C1QTNF3: variants seen among roughly 807,000 people sequenced by gnomAD.
The protein encoded by C1QTNF3 is complement C1q tumor necrosis factor-related protein 3.
In C1QTNF3, 26 loss-of-function variants were observed where a neutral mutation model predicts 32.6. That is an observed-to-expected ratio of 0.80 (90% CI 0.58 to 1.11). The LOEUF (loss-of-function observed/expected upper bound fraction) is 1.11, where lower values mean the gene tolerates loss of function less well. Ranked by LOEUF, C1QTNF3 falls within the 50% of genes least tolerant of loss-of-function variation. The probability of loss-of-function intolerance (pLI) is 0.00; values close to 1 mark genes in which losing one functional copy is unlikely to be tolerated. For synonymous variants in C1QTNF3, 155 were observed against 146.0 expected, an observed-to-expected ratio of 1.06 and a Z score of -0.44; for missense variants, 362 against 398.2, an observed-to-expected ratio of 0.91 and a Z score of 0.77.
At chr5:34,230,884 A>C in the C1QTNF3 span, among the ~76,000 whole-genome samples, 1 of 152,160 alleles carries the variant, frequency 6.6e-6, no homozygotes, top group Admixed American at 6.5e-5. Context: ...CTTGTTTTTA[A>C]TCTAATTTTG....
At chr5:34,155,864 G>T in the C1QTNF3 span, among the ~76,000 whole-genome samples, 1 of 151,950 alleles carries the variant, frequency 6.6e-6, no homozygotes, top group Admixed American at 6.6e-5. Context: ...GATAAAAGAA[G>T]GGATGAGCAA....
the C1QTNF3 span, among the ~76,000 whole-genome samples, chr5:34,132,678 A>G: frequency 6.6e-6 from 1 of 151,990 alleles, no homozygotes; most frequent in Non-Finnish European, 1.5e-5. Context: ...TATAATTACT[A>G]TTTTCATTAT....
chr5:34,129,641 G>A, the C1QTNF3 span, among the ~76,000 whole-genome samples: 7 of 152,074 alleles, frequency 4.6e-5, no homozygotes, highest in African/African-American at 1.7e-4. Context: ...ATTATATACA[G>A]ATACCTATAA....
the C1QTNF3 span, among the ~76,000 whole-genome samples, chr5:34,172,050 C>CA: frequency 6.6e-6 from 1 of 152,284 alleles, no homozygotes; most frequent in East Asian, 1.9e-4. Flanking sequence ...AAAGCCCATG[C>CA]ATGACATTTA....
chr5:34,239,963 T>C, the C1QTNF3 span, among the ~76,000 whole-genome samples: 3 of 152,008 alleles, frequency 2.0e-5, no homozygotes, highest in African/African-American at 7.2e-5. Context: ...AATCAAAATA[T>C]AAATAAATAT....
chr5:34,029,243 C>G (rs1362220447), intron 3 of C1QTNF3, among the ~76,000 whole-genome samples: 2 of 151,788 alleles, frequency 1.3e-5, no homozygotes, highest in East Asian at 3.9e-4. Flanking sequence ...ACCCTATAGC[C>G]AAACATTTTA....
At chr5:34,027,426 TG>T (rs1323708539) in intron 4 of C1QTNF3, among the ~76,000 whole-genome samples, 2 of 152,188 alleles carry the variant, frequency 1.3e-5, no homozygotes, top group Non-Finnish European at 2.9e-5. Flanking sequence ...CTTGCTGGCA[TG>T]GTGGCTTACA....
At chr5:34,173,270 G>C in the C1QTNF3 span, among the ~76,000 whole-genome samples, 2 of 152,012 alleles carry the variant, frequency 1.3e-5, no homozygotes, top group African/African-American at 2.4e-5. Context: ...ACAGTGCCTA[G>C]AATGTACAAT....
At chr5:34,235,546 CTTTTTTTT>C in the C1QTNF3 span, among the ~76,000 whole-genome samples, 1 of 103,930 alleles carries the variant, frequency 9.6e-6, no homozygotes, top group African/African-American at 3.6e-5. Context: ...ATTTCTTTTT[CTTTTTTTT>C]TTTTTTTTTT....
At chr5:34,110,885 T>C in the C1QTNF3 span, among the ~76,000 whole-genome samples, 6 of 152,300 alleles carry the variant, frequency 3.9e-5, no homozygotes, top group Middle Eastern at 3.4e-3. Context: ...TTGGGACTTT[T>C]TGAAGGCTAA....
the C1QTNF3 span, among the ~76,000 whole-genome samples, chr5:34,163,315 T>A: frequency 6.6e-6 from 1 of 152,134 alleles, no homozygotes; most frequent in African/African-American, 2.4e-5. Flanking sequence ...AACCTTCGCA[T>A]GTACCCGCAA....
chr5:34,085,343 A>G, the C1QTNF3 span, among the ~76,000 whole-genome samples: 1 of 150,450 alleles, frequency 6.6e-6, no homozygotes, highest in Admixed American at 6.6e-5. Context: ...ATAAGGTATA[A>G]GAAGGAGTCC....
chr5:34,061,223 G>T, the C1QTNF3 span, among the ~76,000 whole-genome samples: 1 of 152,192 alleles, frequency 6.6e-6, no homozygotes, highest in African/African-American at 2.4e-5. Context: ...TGCAAGAGAT[G>T]GGTTCCCATG....
chr5:34,134,697 GTTCAC>G, the C1QTNF3 span, among the ~76,000 whole-genome samples: 2 of 152,084 alleles, frequency 1.3e-5, no homozygotes, highest in African/African-American at 2.4e-5. Context: ...GTGAATGGGA[GTTCAC>G]TCATGATTTG....
chr5:34,148,086 AGGGG>A, the C1QTNF3 span, among the ~76,000 whole-genome samples: 1 of 151,408 alleles, frequency 6.6e-6, no homozygotes, highest in East Asian at 2.0e-4. Flanking sequence ...AGTCAAAGAA[AGGGG>A]TGACGGACGC....
the C1QTNF3 span, among the ~76,000 whole-genome samples, chr5:34,132,215 G>A: frequency 3.5e-3 from 537 of 151,890 alleles, 11 homozygotes; most frequent in East Asian, 0.033. Flanking sequence ...GGAGAAACCC[G>A]TCTCTACTAA....
At chr5:34,099,906 T>TC in the C1QTNF3 span, among the ~76,000 whole-genome samples, 1 of 146,348 alleles carries the variant, frequency 6.8e-6, no homozygotes, top group African/African-American at 2.5e-5. Context: ...GGTTTGGGTC[T>TC]TTTTTTTTCC....
At chr5:34,052,479 G>C in the C1QTNF3 span, among the ~76,000 whole-genome samples, 7 of 152,192 alleles carry the variant, frequency 4.6e-5, no homozygotes, top group African/African-American at 1.7e-4. Context: ...GCTAATGAAT[G>C]GACAGATAGA....
the C1QTNF3 span, among the ~76,000 whole-genome samples, chr5:34,217,074 T>C: frequency 6.6e-6 from 1 of 152,188 alleles, no homozygotes; most frequent in East Asian, 1.9e-4. Flanking sequence ...ATAACTCTTG[T>C]GTCCATGTAA....
Sources: allele counts gnomAD v4.1 joint callset (sites outside exome capture counted in the v4.1 genomes callset), GRCh38; gene constraint gnomAD v4.1.1; transcripts MANE v1.5; gene names NCBI Gene and HGNC (gene_info 2026-07-23, HGNC 2026-07-21).